The following HS3ST5 variants were observed in gnomAD, a reference collection of about 807,000 sequenced individuals.
HS3ST5 encodes the protein heparan sulfate glucosamine 3-O-sulfotransferase 5.
HS3ST5 carries 10 observed loss-of-function variants against 25.4 expected under a neutral mutation model. The observed-to-expected ratio is 0.39, with a 90% CI of 0.24 to 0.67. The LOEUF (loss-of-function observed/expected upper bound fraction) is 0.67. HS3ST5 is among the 30% of genes least tolerant of loss of function. The pLI, the probability that HS3ST5 is intolerant of heterozygous loss-of-function variation, is 0.44. For synonymous variants in HS3ST5, 170 were observed against 162.4 expected, an observed-to-expected ratio of 1.05 and a Z score of -0.36; for missense variants, 324 against 420.7, an observed-to-expected ratio of 0.77 and a Z score of 2.01.
intron 1 of HS3ST5, among the ~76,000 whole-genome samples, chr6:114,273,306 G>A (rs536693244): frequency 1.1e-4 from 16 of 152,024 alleles, no homozygotes; most frequent in Non-Finnish European, 2.1e-4. Flanking sequence ...CTACTGAGAT[G>A]GGAAAAGGTG....
Position 114,244,804 on chromosome 6 carries a change from G to A in HS3ST5, c.-338-16026C>T, listed in dbSNP as rs572437486. On this transcript the variant is annotated intron_variant, in intron 1 of 4. Coordinates refer to ENST00000312719, the MANE Select transcript of HS3ST5 (RefSeq NM_153612.4). The stretch of plus-strand genomic sequence containing the variant: ...AGAGAACTCAAATGCTGGGAAACTC[G>A]GCCAATAAAGAAGTGACCACTTATG... 7.2e-5 allele frequency among the ~76,000 whole-genome samples: 11 copies of A among 152,060 alleles called. No homozygotes were observed. In the East Asian group the frequency reaches 9.6e-4, roughly 13 times the overall value.
chr6:114,305,411 T>C (rs1196983209), intron 1 of HS3ST5, among the ~76,000 whole-genome samples: 1 of 152,168 alleles, frequency 6.6e-6, no homozygotes, highest in Non-Finnish European at 1.5e-5. Context: ...AGAAAATGCA[T>C]GTGAAATACC....
chr6:114,158,453 A>G (rs1040072415), intron 3 of HS3ST5, among the ~76,000 whole-genome samples: 7 of 152,150 alleles, frequency 4.6e-5, no homozygotes, highest in African/African-American at 1.7e-4. Context: ...GACTTTATTT[A>G]TTATTATTAA....
chr6:114,268,506 CAAG>C (rs561438074), intron 1 of HS3ST5, among the ~76,000 whole-genome samples: 30 of 152,230 alleles, frequency 2.0e-4, no homozygotes, highest in Admixed American at 1.9e-3. Flanking sequence ...AACACAGCAA[CAAG>C]AAGAGACATG....
At chr6:114,313,951 A>T (rs1342402474) in intron 1 of HS3ST5, among the ~76,000 whole-genome samples, 1 of 151,998 alleles carries the variant, frequency 6.6e-6, no homozygotes, top group Non-Finnish European at 1.5e-5. Flanking sequence ...TTTAAGACAG[A>T]GTCTCACTCT....
chr6:114,297,820 C>A (rs1242663150), intron 1 of HS3ST5, among the ~76,000 whole-genome samples: 1 of 152,150 alleles, frequency 6.6e-6, no homozygotes, highest in African/African-American at 2.4e-5. Flanking sequence ...GCCCAAGCTG[C>A]CAAAATGACT....
At chr6:114,147,433 T>C (rs917790874) in intron 3 of HS3ST5, among the ~76,000 whole-genome samples, 3 of 152,192 alleles carry the variant, frequency 2.0e-5, no homozygotes, top group African/African-American at 7.2e-5. Flanking sequence ...GACACTGGCA[T>C]GGCAGTGACC....
intron 1 of HS3ST5, among the ~76,000 whole-genome samples, chr6:114,275,791 C>T (rs1178491987): frequency 1.3e-5 from 2 of 151,932 alleles, no homozygotes; most frequent in Non-Finnish European, 2.9e-5. Flanking sequence ...ATATATTATT[C>T]TTTTTAATTT....
chr6:114,306,256 T>C lies in HS3ST5; in HGVS notation c.-339+35939A>G, dbSNP rs867632670. On this transcript the variant is annotated intron_variant, in intron 1 of 4. Coordinates refer to ENST00000312719, the MANE Select transcript of HS3ST5 (RefSeq NM_153612.4). The stretch of plus-strand genomic sequence containing the variant: ...AAATATACATATATATATATATATA[T>C]ACACACACACACACACACACACATA... 7.9e-3 allele frequency among the ~76,000 whole-genome samples: 913 copies of C among 115,392 alleles called. 6 individuals carry two copies. The highest frequency in any genetic ancestry group is 0.019 in the African/African-American group (642 of 33,330). 75.7% of individuals were successfully genotyped at this position (115,392 alleles called of 152,430 possible).
intron 3 of HS3ST5, among the ~76,000 whole-genome samples, chr6:114,100,989 C>T (rs1159890642): frequency 6.6e-6 from 1 of 152,156 alleles, no homozygotes; most frequent in Non-Finnish European, 1.5e-5. Flanking sequence ...TCAAGGGTCA[C>T]TAGTAATTGG....
At chr6:114,118,072 C>T (rs1312371896) in intron 3 of HS3ST5, among the ~76,000 whole-genome samples, 2 of 152,114 alleles carry the variant, frequency 1.3e-5, no homozygotes, top group East Asian at 3.9e-4. Flanking sequence ...GGAATTAATG[C>T]CGACACCAAC....
chr6:114,268,197 G>A (rs1773490123), intron 1 of HS3ST5, among the ~76,000 whole-genome samples: 3 of 152,102 alleles, frequency 2.0e-5, no homozygotes, highest in Admixed American at 2.0e-4. Context: ...CACCATTTGT[G>A]CAGTTTCCAC....
chr6:114,059,892 C>T (rs12210062), intron 4 of HS3ST5: 38,148 of 152,216 alleles, frequency 0.25, 5,154 homozygotes, highest in African/African-American at 0.31. Context: ...TCTGTTTAAA[C>T]AGCTATCTAT....
At position 114,273,680 on chromosome 6, in the gene HS3ST5, A is replaced by T. The variant is rs572139673; in HGVS notation, c.-338-44902T>A. Among the ~76,000 whole-genome samples, 3 of 151,886 alleles carry T rather than the reference A, an allele frequency of 2.0e-5. No homozygotes were observed. The East Asian group carries it at 5.8e-4, about 30-fold the overall frequency. ...ACAAAAAGTGTTTCAAGAAAAATGG[A>T]GTAACTGATTGTGTCAAATGCCAAT... On this transcript the variant is annotated intron_variant, in intron 1 of 4. Transcript: ENST00000312719.
At chr6:114,250,580 C>CAA (rs11289635) in intron 1 of HS3ST5, among the ~76,000 whole-genome samples, 23 of 118,990 alleles carry the variant, frequency 1.9e-4, no homozygotes, top group Non-Finnish European at 1.5e-4. Context: ...GACTCCGTCT[C>CAA]AAAAAAAAAA....
In HS3ST5 at chr6:114,290,196, A is replaced by G. The variant is rs150880105; in HGVS notation, c.-339+51999T>C. Among the ~76,000 whole-genome samples the G allele has an allele frequency of 3.4e-3, 525 of 152,290 alleles. 3 individuals are homozygous for G. Among genetic ancestry groups the G allele is most frequent in the African/African-American group, 0.012 (480 of 41,552 alleles). On this transcript the variant is annotated intron_variant, in intron 1 of 4. Coordinates refer to ENST00000312719, the MANE Select transcript of HS3ST5 (RefSeq NM_153612.4). ...TATTGTAATTACATTTTTAGAATCTAATTACCATGCCAAAAGTGGTCTTTT... is the reference window on the plus strand; with the variant it reads ...TATTGTAATTACATTTTTAGAATCTGATTACCATGCCAAAAGTGGTCTTTT...
chr6:114,292,168 A>G (rs1174311741), intron 1 of HS3ST5, among the ~76,000 whole-genome samples: 2 of 152,184 alleles, frequency 1.3e-5, no homozygotes, highest in Non-Finnish European at 2.9e-5. Flanking sequence ...CCCTTTGTAG[A>G]CAATAGTATT....
intron 1 of HS3ST5, among the ~76,000 whole-genome samples, chr6:114,284,271 C>A (rs1774244466): frequency 6.6e-6 from 1 of 151,980 alleles, no homozygotes; most frequent in Non-Finnish European, 1.5e-5. Flanking sequence ...AACCCATTCA[C>A]AATGTACAAA....
At chr6:114,108,321 A>G (rs1344491052) in intron 3 of HS3ST5, among the ~76,000 whole-genome samples, 3 of 152,186 alleles carry the variant, frequency 2.0e-5, no homozygotes, top group Admixed American at 2.0e-4. Context: ...AATAAGGTTG[A>G]AATACAGAAC....
Sources: gnomAD v4.1 joint callset for allele counts (sites outside exome capture counted in the v4.1 genomes callset) on GRCh38, gnomAD v4.1.1 for gene constraint, MANE v1.5 for transcripts, NCBI Gene and HGNC (gene_info 2026-07-23, HGNC 2026-07-21) for gene names.